Variants in NCBP2AS2 observed in about 807,000 individuals in gnomAD.
NCBP2AS2 encodes NCBP2 antisense 2 (head to head), also known as protein NCBP2AS2.
For missense variants in NCBP2AS2, 125 were observed against 56.0 expected (o/e 2.23, Z -3.93); for synonymous variants, 67 against 28.0 (o/e 2.39, Z -4.40).
In NCBP2AS2 at chr3:196,943,316, G is replaced by C. The variant is rs1716706754; in HGVS notation, c.*300G>C. The C allele has an allele frequency of 5.3e-6, 2 of 376,842 alleles. No homozygotes were observed. The highest frequency in any genetic ancestry group is 2.2e-5 in the African/African-American group (1 of 46,174). 23.3% of individuals were successfully genotyped at this position (376,842 alleles called of 1,614,324 possible). On this transcript the variant is annotated 3_prime_UTR_variant, in exon 1 of 1. Transcript: ENST00000602845. The stretch of plus-strand genomic sequence containing the variant: ...AAGCCAGAGAGCCTTTCCTCTGCAA[G>C]TGGGACTGAAACTCTTGACAGATGC...
rs781523960 is a variant in NCBP2AS2 at position 196,943,203 on chromosome 3, C to G, written c.*187C>G. On this transcript the variant is annotated 3_prime_UTR_variant, in exon 1 of 1. Coordinates refer to ENST00000602845, the MANE Select transcript of NCBP2AS2 (RefSeq NM_001355243.2). Reference sequence around the variant, plus strand: ...GCTCCGTTGAAGTCTTGTGATTGGACAAGACACAGTGTGGAGACAGCCCTA... The same window carrying G: ...GCTCCGTTGAAGTCTTGTGATTGGAGAAGACACAGTGTGGAGACAGCCCTA... 1.9e-5 allele frequency: 9 copies of G among 483,546 alleles called. No individual in the cohort carries two copies. The highest frequency in any genetic ancestry group is 9.0e-5 in the African/African-American group (2 of 22,282). The allele number at this position is 483,546 out of a possible 1,614,324, so 30.0% of individuals were successfully genotyped here.
In NCBP2AS2 at chr3:196,943,107, CG is replaced by C; in HGVS notation, c.*93del. 1 of 607,278 alleles carries C rather than the reference CG, an allele frequency of 1.6e-6. No homozygotes were observed. The highest frequency in any genetic ancestry group is 2.9e-6 in the Non-Finnish European group (1 of 344,326). The allele number at this position is 607,278 out of a possible 1,614,324, so 37.6% of individuals were successfully genotyped here. ...GAGGGGTCATTCCGGGCACTGCGCG[CG>C]GCTTCGAATCCCGACTGGGATTGTT... is the stretch of plus-strand genomic sequence containing the variant. On this transcript the variant is annotated 3_prime_UTR_variant, in exon 1 of 1. Transcript: ENST00000602845.
chr3:196,942,680 G>C lies in NCBP2AS2; in HGVS notation c.-37G>C, dbSNP rs552117421. 1.4e-4 allele frequency: 115 copies of C among 795,584 alleles called. No individual in the cohort carries two copies. The highest frequency in any genetic ancestry group is 2.1e-4 in the Non-Finnish European group (104 of 484,504). The allele number at this position is 795,584 out of a possible 1,614,324, so 49.3% of individuals were successfully genotyped here. On this transcript the variant is annotated 5_prime_UTR_variant, in exon 1 of 1. Coordinates refer to ENST00000602845, the MANE Select transcript of NCBP2AS2 (RefSeq NM_001355243.2). ...GGTCGGGCGCCGCGGGGCGGAAGAC[G>C]AGGGCGGCGAGGTCGGGTTCCGGGC...
Position 196,942,736 on chromosome 3 carries a change from T to C in NCBP2AS2, c.20T>C (p.Leu7Pro), listed in dbSNP as rs1716672569. 1 of 698,682 alleles carries C rather than the reference T, an allele frequency of 1.4e-6. No homozygotes were observed. The highest frequency in any genetic ancestry group is 2.6e-6 in the Non-Finnish European group (1 of 386,580). The allele number at this position is 698,682 out of a possible 1,614,324, so 43.3% of individuals were successfully genotyped here. A position where few individuals can be genotyped will look rare whatever the true frequency, so the allele number is the denominator to read the frequency against. The change falls in exon 1 of 1, where the codon CTG (leucine) becomes CCG (proline). Residue 7 changes from leucine (L) to proline (P), a missense_variant. Coordinates refer to ENST00000602845, the MANE Select transcript of NCBP2AS2 (RefSeq NM_001355243.2). ...GAGAAGATGGTGCTGCGGCGGCTGC[T>C]GGCCGCCCTGCTGCACAGCCCGCAG... MVLRRL[L>P]AALLHSPQLV...
chr3:196,943,090 A>G lies in NCBP2AS2; in HGVS notation c.*74A>G. On this transcript the variant is annotated 3_prime_UTR_variant, in exon 1 of 1. Coordinates refer to ENST00000602845, the MANE Select transcript of NCBP2AS2 (RefSeq NM_001355243.2). ...ACAGTGGCATCAATGTGGAGGGGTC[A>G]TTCCGGGCACTGCGCGCGGCTTCGA... 1.6e-6 allele frequency: 1 copy of G among 620,532 alleles called. No individual in the cohort carries two copies. The highest frequency in any genetic ancestry group is 2.8e-6 in the Non-Finnish European group (1 of 351,476). The allele number at this position is 620,532 out of a possible 1,614,324, so 38.4% of individuals were successfully genotyped here.
chr3:196,942,809 G>C lies in NCBP2AS2; in HGVS notation c.93G>C (p.Gln31His). The change falls in exon 1 of 1, where the codon CAG becomes CAC. Residue 31 changes from glutamine (Q) to histidine (H), a missense_variant. Gln to His is a conservative substitution (Grantham distance 24). Coordinates refer to ENST00000602845, the MANE Select transcript of NCBP2AS2 (RefSeq NM_001355243.2). Reference protein sequence around the residue: ...SESRPIRRAAQLTAFALLQAQ... With the variant: ...SESRPIRRAAHLTAFALLQAQ... ...CGCGGCCTATCCGACGTGCGGCGCAGCTCACGGCCTTCGCACTGCTGCAGG... is the reference window on the plus strand; with the variant it reads ...CGCGGCCTATCCGACGTGCGGCGCACCTCACGGCCTTCGCACTGCTGCAGG... The C allele has an allele frequency of 1.4e-6, 1 of 699,760 alleles. No homozygotes were observed. Among genetic ancestry groups the C allele is most frequent in the Non-Finnish European group, 2.6e-6 (1 of 383,926 alleles). 43.3% of individuals were successfully genotyped at this position (699,760 alleles called of 1,614,324 possible).
chr3:196,942,884 T>A lies in NCBP2AS2; in HGVS notation c.168T>A (p.Ala56=), dbSNP rs1716683917. Residue 56 remains alanine, a synonymous_variant, in exon 1 of 1, where the codon GCT becomes GCA. Coordinates refer to ENST00000602845, the MANE Select transcript of NCBP2AS2 (RefSeq NM_001355243.2). ...DAARRLQDLA[A]GPVGSLCRRA... ...CCCGCCGCCTGCAGGACCTCGCGGC[T>A]GGGCCCGTGGGCTCCCTGTGCCGCC... The A allele has an allele frequency of 1.4e-6, 1 of 699,712 alleles. No homozygotes were observed. Among genetic ancestry groups the A allele is most frequent in the African/African-American group, 1.8e-5 (1 of 56,776 alleles). The allele number at this position is 699,712 out of a possible 1,614,324, so 43.3% of individuals were successfully genotyped here.
Position 196,943,486 on chromosome 3 carries a change from TAAG to T in NCBP2AS2, c.*473_*475del. Reference sequence around the variant, plus strand: ...GTGATACTTCTCAGGCAAGATGTGTTAAGAATACCGGGGACTGTAGGCCTATGG... The same window carrying T: ...GTGATACTTCTCAGGCAAGATGTGTTAATACCGGGGACTGTAGGCCTATGG... On this transcript the variant is annotated 3_prime_UTR_variant, in exon 1 of 1. Transcript: ENST00000602845. 1 of 161,556 alleles carries T rather than the reference TAAG, an allele frequency of 6.2e-6. No homozygotes were observed. The highest frequency in any genetic ancestry group is 1.3e-5 in the Non-Finnish European group (1 of 74,566). 10.0% of individuals were successfully genotyped at this position (161,556 alleles called of 1,614,324 possible).
Position 196,942,695 on chromosome 3 carries a change from G to C in NCBP2AS2, c.-22G>C. 1 of 742,928 alleles carries C rather than the reference G, an allele frequency of 1.3e-6. No individual in the cohort carries two copies. The highest frequency in any genetic ancestry group is 1.5e-5 in the South Asian group (1 of 66,174). 46.0% of individuals were successfully genotyped at this position (742,928 alleles called of 1,614,324 possible). A position where few individuals can be genotyped will look rare whatever the true frequency, so the allele number is the denominator to read the frequency against. On this transcript the variant is annotated 5_prime_UTR_variant, in exon 1 of 1. Transcript: ENST00000602845. ...GGCGGAAGACGAGGGCGGCGAGGTC[G>C]GGTTCCGGGCGCTTGGAGAAGATGG...
Position 196,943,343 on chromosome 3 carries a change from G to A in NCBP2AS2, c.*327G>A, listed in dbSNP as rs1274306125. ...GGGACTGAAACTCTTGACAGATGCT[G>A]CTCAATCTGACTGGTATAGCAGGAC... is the stretch of plus-strand genomic sequence containing the variant. On this transcript the variant is annotated 3_prime_UTR_variant, in exon 1 of 1. Coordinates refer to ENST00000602845, the MANE Select transcript of NCBP2AS2 (RefSeq NM_001355243.2). The A allele has an allele frequency of 3.2e-6, 1 of 316,990 alleles. No individual in the cohort carries two copies. Among genetic ancestry groups the A allele is most frequent in the Middle Eastern group, 8.8e-4 (1 of 1,130 alleles). The allele number at this position is 316,990 out of a possible 1,614,324, so 19.6% of individuals were successfully genotyped here.
In NCBP2AS2 at chr3:196,942,992, G is replaced by GA. The variant is rs1716690677; in HGVS notation, c.277dup (p.Arg93LysfsTer58). 5.8e-6 allele frequency: 4 copies of GA among 691,156 alleles called. No individual in the cohort carries two copies. The South Asian group carries it at 6.0e-5, about 10-fold the overall frequency. The allele number at this position is 691,156 out of a possible 1,614,324, so 42.8% of individuals were successfully genotyped here. On this transcript the variant is annotated frameshift_variant, in exon 1 of 1. Transcript: ENST00000602845. LOFTEE classifies it high-confidence loss of function. ...GCTCGGGGCCACCACCAGGTAGCCA[G>GA]AGGGGCCCTGGCGCAAACATTTAAT...
Position 196,942,699 on chromosome 3 carries a change from T to C in NCBP2AS2, c.-18T>C, listed in dbSNP as rs1364159603. The C allele has an allele frequency of 1.2e-5, 9 of 734,740 alleles. No individual in the cohort carries two copies. Among genetic ancestry groups the C allele is most frequent in the Non-Finnish European group, 1.9e-5 (8 of 424,676 alleles). 45.5% of individuals were successfully genotyped at this position (734,740 alleles called of 1,614,324 possible). On this transcript the variant is annotated 5_prime_UTR_variant, in exon 1 of 1. Transcript: ENST00000602845. Reference sequence around the variant, plus strand: ...GAAGACGAGGGCGGCGAGGTCGGGTTCCGGGCGCTTGGAGAAGATGGTGCT... The same window carrying C: ...GAAGACGAGGGCGGCGAGGTCGGGTCCCGGGCGCTTGGAGAAGATGGTGCT...
chr3:196,942,896 C>T lies in NCBP2AS2; in HGVS notation c.180C>T (p.Gly60=), dbSNP rs1463612004. 5 of 700,764 alleles carry T rather than the reference C, an allele frequency of 7.1e-6. No individual in the cohort carries two copies. Among genetic ancestry groups the T allele is most frequent in the South Asian group, 5.9e-5 (4 of 67,454 alleles). 43.4% of individuals were successfully genotyped at this position (700,764 alleles called of 1,614,324 possible). Reference sequence around the variant, plus strand: ...AGGACCTCGCGGCTGGGCCCGTGGGCTCCCTGTGCCGCCGCGCTGAGCGAT... The same window carrying T: ...AGGACCTCGCGGCTGGGCCCGTGGGTTCCCTGTGCCGCCGCGCTGAGCGAT... ...RLQDLAAGPV[G]SLCRRAERFR... is the part of the protein sequence containing the mutation. The change falls in exon 1 of 1, where the codon GGC becomes GGT. Residue 60 remains glycine, a synonymous_variant. Transcript: ENST00000602845.
In NCBP2AS2 at chr3:196,942,747, C is replaced by A. The variant is rs1560172733; in HGVS notation, c.31C>A (p.Leu11Met). 1 of 700,858 alleles carries A rather than the reference C, an allele frequency of 1.4e-6. No homozygotes were observed. Among genetic ancestry groups the A allele is most frequent in the Non-Finnish European group, 2.6e-6 (1 of 385,422 alleles). The allele number at this position is 700,858 out of a possible 1,614,324, so 43.4% of individuals were successfully genotyped here. Reference sequence around the variant, plus strand: ...GCTGCGGCGGCTGCTGGCCGCCCTGCTGCACAGCCCGCAGCTGGTGGAACG... The same window carrying A: ...GCTGCGGCGGCTGCTGGCCGCCCTGATGCACAGCCCGCAGCTGGTGGAACG... MVLRRLLAALLHSPQLVERLS... is the reference protein window; with the variant it reads MVLRRLLAALMHSPQLVERLS... The change falls in exon 1 of 1, where the codon CTG (leucine) becomes ATG (methionine). Residue 11 changes from leucine (L) to methionine (M), a missense_variant. Coordinates refer to ENST00000602845, the MANE Select transcript of NCBP2AS2 (RefSeq NM_001355243.2).
rs1203839438 is a variant in NCBP2AS2 at position 196,943,271 on chromosome 3, C to G, written c.*255C>G. On this transcript the variant is annotated 3_prime_UTR_variant, in exon 1 of 1. Coordinates refer to ENST00000602845, the MANE Select transcript of NCBP2AS2 (RefSeq NM_001355243.2). ...GGTAGGCTGGGTCCAGACACGGCAC[C>G]TACGGAGAGCCACGGACCGAAGCCA... The G allele has an allele frequency of 2.1e-6, 1 of 465,402 alleles. No homozygotes were observed. Among genetic ancestry groups the G allele is most frequent in the Non-Finnish European group, 3.8e-6 (1 of 266,256 alleles). 28.8% of individuals were successfully genotyped at this position (465,402 alleles called of 1,614,324 possible). A position where few individuals can be genotyped will look rare whatever the true frequency, so the allele number is the denominator to read the frequency against.
rs1716700481 is a variant in NCBP2AS2 at position 196,943,186 on chromosome 3, G to T, written c.*170G>T. 2 of 552,578 alleles carry T rather than the reference G, an allele frequency of 3.6e-6. No homozygotes were observed. Among genetic ancestry groups the T allele is most frequent in the Non-Finnish European group, 6.3e-6 (2 of 319,530 alleles). 34.2% of individuals were successfully genotyped at this position (552,578 alleles called of 1,614,324 possible). ...CCTAGGCCAGACCGCCCGCTCCGTT[G>T]AAGTCTTGTGATTGGACAAGACACA... On this transcript the variant is annotated 3_prime_UTR_variant, in exon 1 of 1. Coordinates refer to ENST00000602845, the MANE Select transcript of NCBP2AS2 (RefSeq NM_001355243.2).
Position 196,942,693 on chromosome 3 carries a change from T to G in NCBP2AS2, c.-24T>G, listed in dbSNP as rs1716667392. On this transcript the variant is annotated 5_prime_UTR_variant, in exon 1 of 1. Transcript: ENST00000602845. ...GGGGCGGAAGACGAGGGCGGCGAGG[T>G]CGGGTTCCGGGCGCTTGGAGAAGAT... is the stretch of plus-strand genomic sequence containing the variant. 1.3e-6 allele frequency: 1 copy of G among 759,222 alleles called. No homozygotes were observed. The highest frequency in any genetic ancestry group is 2.2e-6 in the Non-Finnish European group (1 of 449,600). The allele number at this position is 759,222 out of a possible 1,614,324, so 47.0% of individuals were successfully genotyped here. A position where few individuals can be genotyped will look rare whatever the true frequency, so the allele number is the denominator to read the frequency against.
chr3:196,942,743 C>A lies in NCBP2AS2; in HGVS notation c.27C>A (p.Ala9=), dbSNP rs939482275. 1.4e-6 allele frequency: 1 copy of A among 698,670 alleles called. No homozygotes were observed. Among genetic ancestry groups the A allele is most frequent in the Non-Finnish European group, 2.6e-6 (1 of 385,430 alleles). The allele number at this position is 698,670 out of a possible 1,614,324, so 43.3% of individuals were successfully genotyped here. Residue 9 remains alanine, a synonymous_variant, in exon 1 of 1, where the codon GCC becomes GCA. Coordinates refer to ENST00000602845, the MANE Select transcript of NCBP2AS2 (RefSeq NM_001355243.2). MVLRRLLA[A]LLHSPQLVER... ...TGGTGCTGCGGCGGCTGCTGGCCGC[C>A]CTGCTGCACAGCCCGCAGCTGGTGG...
In NCBP2AS2 at chr3:196,942,764, G is replaced by C. The variant is rs1227608394; in HGVS notation, c.48G>C (p.Leu16=). ...CCGCCCTGCTGCACAGCCCGCAGCT[G>C]GTGGAACGTCTGTCAGAGTCGCGGC... The part of the protein sequence containing the change: ...LLAALLHSPQ[L]VERLSESRPI... Residue 16 remains leucine (L), a synonymous_variant, in exon 1 of 1, where the codon CTG becomes CTC. Transcript: ENST00000602845. 5 of 700,504 alleles carry C rather than the reference G, an allele frequency of 7.1e-6. No homozygotes were observed. Among genetic ancestry groups the C allele is most frequent in the Non-Finnish European group, 1.3e-5 (5 of 384,648 alleles). 43.4% of individuals were successfully genotyped at this position (700,504 alleles called of 1,614,324 possible). A position where few individuals can be genotyped will look rare whatever the true frequency, so the allele number is the denominator to read the frequency against.
Sources: allele counts gnomAD v4.1 joint callset, GRCh38; gene constraint gnomAD v4.1.1; transcripts MANE v1.5; gene names NCBI Gene and HGNC (gene_info 2026-07-23, HGNC 2026-07-21).